ZFAND3: variants seen among roughly 807,000 people sequenced by gnomAD.
The protein encoded by ZFAND3 is AN1-type zinc finger protein 3.
Under a neutral mutation model 29.6 loss-of-function variants are expected in ZFAND3, and 10 were observed. That is an observed-to-expected ratio of 0.34 (90% CI 0.21 to 0.57). ZFAND3 has a LOEUF of 0.57. Ranked by LOEUF, ZFAND3 falls within the 20% of genes least tolerant of loss-of-function variation. The probability of loss-of-function intolerance (pLI) is 0.86; values close to 1 mark genes in which losing one functional copy is unlikely to be tolerated. For missense variants in ZFAND3, 230 were observed against 304.5 expected (o/e 0.76, Z 1.82); for synonymous variants, 128 against 112.6 (o/e 1.14, Z -0.87).
At chr6:38,094,508 A>G (rs965173331) in intron 4 of ZFAND3, among the ~76,000 whole-genome samples, 1 of 152,224 alleles carries the variant, frequency 6.6e-6, no homozygotes, top group Non-Finnish European at 1.5e-5. Context: ...TGACAGTTTT[A>G]GTACCTTTGT....
chr6:37,970,642 G>A (rs745335587), intron 2 of ZFAND3, among the ~76,000 whole-genome samples: 6 of 152,274 alleles, frequency 3.9e-5, no homozygotes, highest in East Asian at 1.9e-4. Context: ...GTGGCTCAAC[G>A]CCTGTAATCC....
At chr6:38,142,842 A>C (rs1216992905) in intron 5 of ZFAND3, among the ~76,000 whole-genome samples, 1 of 152,230 alleles carries the variant, frequency 6.6e-6, no homozygotes, top group Non-Finnish European at 1.5e-5. Context: ...TCATTTCATT[A>C]TTCTTGTGGC....
intron 1 of ZFAND3, among the ~76,000 whole-genome samples, chr6:37,829,629 T>A (rs919780246): frequency 6.6e-6 from 1 of 152,264 alleles, no homozygotes; most frequent in Non-Finnish European, 1.5e-5. Flanking sequence ...TAATTTTTTT[T>A]ATTGATTTGG....
intron 3 of ZFAND3, among the ~76,000 whole-genome samples, chr6:38,078,260 T>C (rs1764591793): frequency 6.6e-6 from 1 of 152,164 alleles, no homozygotes; most frequent in Non-Finnish European, 1.5e-5. Flanking sequence ...AATACAAGAA[T>C]AGAAACATCC....
chr6:37,995,609 A>G (rs1762836633), intron 2 of ZFAND3, among the ~76,000 whole-genome samples: 1 of 152,176 alleles, frequency 6.6e-6, no homozygotes, highest in African/African-American at 2.4e-5. Context: ...ATTGTTGCCT[A>G]TATATGTTAT....
intron 1 of ZFAND3, among the ~76,000 whole-genome samples, chr6:37,853,167 G>A (rs1446743700): frequency 1.3e-5 from 2 of 152,090 alleles, no homozygotes; most frequent in Non-Finnish European, 2.9e-5. Flanking sequence ...GGAATTCAGT[G>A]TGAGTTGATT....
intron 2 of ZFAND3, among the ~76,000 whole-genome samples, chr6:37,949,599 C>T (rs1172695205): frequency 6.6e-6 from 1 of 152,214 alleles, no homozygotes; most frequent in East Asian, 1.9e-4. Flanking sequence ...CTGACACACA[C>T]ATCAAGTTGA....
rs145027192 is a variant in ZFAND3, at chr6:37,882,495, G to A, written c.72-47464G>A. On this transcript the variant is annotated intron_variant, in intron 1 of 5. Coordinates refer to ENST00000287218, the MANE Select transcript of ZFAND3 (RefSeq NM_021943.3). ...GCTATGTTTTTCTGGATTAGTCCTA[G>A]GGTTTAGTCCCTGCTACACACACTG... 4.8e-4 allele frequency among the ~76,000 whole-genome samples: 73 copies of A among 152,268 alleles called. 1 individual carries two copies. The highest frequency in any genetic ancestry group is 9.9e-4 in the African/African-American group (41 of 41,552).
chr6:37,908,542 T>TAAAAAAAAAAAAAAA (rs70981504), intron 1 of ZFAND3, among the ~76,000 whole-genome samples: 10 of 124,104 alleles, frequency 8.1e-5, no homozygotes, highest in Non-Finnish European at 1.2e-4. Flanking sequence ...AAAAAAAAAT[T>TAAAAAAAAAAAAAAA]AAAAAAAAAA....
intron 3 of ZFAND3, among the ~76,000 whole-genome samples, chr6:38,076,838 A>C (rs1469385918): frequency 6.6e-6 from 1 of 152,184 alleles, no homozygotes; most frequent in Non-Finnish European, 1.5e-5. Context: ...TCCCAGGTTT[A>C]GGGTGAGGTT....
Position 38,153,776 on chromosome 6 carries a change from G to T in ZFAND3, c.*1387G>T. 1 of 985,572 alleles carries T rather than the reference G, an allele frequency of 1.0e-6. No homozygotes were observed. Among genetic ancestry groups the T allele is most frequent in the Non-Finnish European group, 1.2e-6 (1 of 830,010 alleles). The allele number at this position is 985,572 out of a possible 1,614,324, so 61.1% of individuals were successfully genotyped here. On this transcript the variant is annotated 3_prime_UTR_variant, in exon 6 of 6. Coordinates refer to ENST00000287218, the MANE Select transcript of ZFAND3 (RefSeq NM_021943.3). ...CAGGATTCCCTTGAAAGCCCAGGCA[G>T]GGTGAGCAGTCCCAGTGGTCCTAGT...
intron 2 of ZFAND3, among the ~76,000 whole-genome samples, chr6:37,982,986 AC>A (rs1762605143): frequency 6.6e-6 from 1 of 152,236 alleles, no homozygotes; most frequent in Non-Finnish European, 1.5e-5. Flanking sequence ...AAAAAGTAAA[AC>A]AAAAAATAAA....
intron 1 of ZFAND3, among the ~76,000 whole-genome samples, chr6:37,905,347 T>C (rs1765389296): frequency 6.6e-6 from 1 of 152,178 alleles, no homozygotes; most frequent in Non-Finnish European, 1.5e-5. Context: ...TGTTTTTTAA[T>C]AATTTCCTTT....
chr6:38,061,560 CCTT>C (rs1290008122), intron 2 of ZFAND3, 30 bp from the exon 3 acceptor site: 1 of 1,612,648 alleles, frequency 6.2e-7, no homozygotes, highest in African/African-American at 1.3e-5. Context: ...ACTGTGAACT[CCTT>C]AATTAAGCTC....
At chr6:38,014,216 C>CTT (rs1465348865) in intron 2 of ZFAND3, among the ~76,000 whole-genome samples, 1 of 151,982 alleles carries the variant, frequency 6.6e-6, no homozygotes, top group East Asian at 1.9e-4. Flanking sequence ...GTTTGTAAAA[C>CTT]TTTTTAAAAG....
chr6:38,144,503 G>A (rs183275910), intron 5 of ZFAND3, among the ~76,000 whole-genome samples: 18 of 152,224 alleles, frequency 1.2e-4, no homozygotes, highest in Non-Finnish European at 1.6e-4. Context: ...ACTGTGCTGC[G>A]CCCAGCACAG....
chr6:38,133,969 A>G (rs13192464), intron 5 of ZFAND3, among the ~76,000 whole-genome samples: 1 of 152,168 alleles, frequency 6.6e-6, no homozygotes, highest in South Asian at 2.1e-4. Flanking sequence ...CATATTTTCA[A>G]CCATACAGAA....
In ZFAND3 at chr6:37,861,269, T is replaced by A. The variant is rs1030007149; in HGVS notation, c.71+41253T>A. On this transcript the variant is annotated intron_variant, in intron 1 of 5. Coordinates refer to ENST00000287218, the MANE Select transcript of ZFAND3 (RefSeq NM_021943.3). Reference sequence around the variant, plus strand: ...TAGGCTGTGTCTCAAAAAATAAAAATAAAAAAATAGCATGATGAAAGTAAA... The same window carrying A: ...TAGGCTGTGTCTCAAAAAATAAAAAAAAAAAAATAGCATGATGAAAGTAAA... Among the ~76,000 whole-genome samples, 3 of 151,588 alleles carry A rather than the reference T, an allele frequency of 2.0e-5. No homozygotes were observed. The East Asian group carries it at 5.8e-4, about 29-fold the overall frequency.
chr6:37,978,268 A>G (rs1762523335), intron 2 of ZFAND3, among the ~76,000 whole-genome samples: 1 of 152,172 alleles, frequency 6.6e-6, no homozygotes. Flanking sequence ...TGGGTTTCAA[A>G]TGTTAAAGCA....
Sources: gnomAD v4.1 joint callset for allele counts (sites outside exome capture counted in the v4.1 genomes callset) on GRCh38, gnomAD v4.1.1 for gene constraint, MANE v1.5 for transcripts, NCBI Gene and HGNC (gene_info 2026-07-23, HGNC 2026-07-21) for gene names.